Variants in ADGRF5 observed in about 807,000 individuals in gnomAD.
ADGRF5 encodes G-protein coupled receptor 116.
Under a neutral mutation model 132.3 loss-of-function variants are expected in ADGRF5, and 75 were observed. That is an observed-to-expected ratio of 0.57 (90% CI 0.47 to 0.69). The LOEUF is 0.69. Ranked by LOEUF, ADGRF5 falls within the 30% of genes least tolerant of loss-of-function variation. ADGRF5 has a pLI of 0.00. For missense variants in ADGRF5, 1,516 were observed against 1,630.6 expected, an observed-to-expected ratio of 0.93 and a Z score of 1.21; for synonymous variants, 629 against 597.6, an observed-to-expected ratio of 1.05 and a Z score of -0.77.
At chr6:46,892,155 T>TACAC (rs66857908) in intron 3 of ADGRF5, among the ~76,000 whole-genome samples, 7 of 136,210 alleles carry the variant, frequency 5.1e-5, no homozygotes, top group Non-Finnish European at 7.8e-5. Flanking sequence ...AATACACAAA[T>TACAC]ACACACACAC....
intron 1 of ADGRF5, among the ~76,000 whole-genome samples, chr6:46,949,531 C>A (rs1166903120): frequency 6.6e-6 from 1 of 152,212 alleles, no homozygotes; most frequent in Non-Finnish European, 1.5e-5. Context: ...TGACTCACAG[C>A]AGGCAGACAG....
intron 13 of ADGRF5, among the ~76,000 whole-genome samples, chr6:46,866,021 A>G (rs1444509644): frequency 6.6e-6 from 1 of 152,040 alleles, no homozygotes; most frequent in Admixed American, 6.5e-5. Flanking sequence ...GGGTTGTGAG[A>G]TCATGCTGGT....
intron 9 of ADGRF5, 93 bp downstream of exon 9, chr6:46,879,725 T>G: frequency 1.2e-6 from 1 of 865,038 alleles, no homozygotes; most frequent in Non-Finnish European, 1.9e-6. Context: ...AGAAAAACAC[T>G]ATCTACATAG....
At chr6:46,878,459 G>A in intron 9 of ADGRF5, 54 bp from the exon 10 acceptor site, 1 of 1,074,438 alleles carries the variant, frequency 9.3e-7, no homozygotes. Context: ...TATTTTCTTA[G>A]AGGAATGTAC....
intron 2 of ADGRF5, among the ~76,000 whole-genome samples, chr6:46,904,216 C>T (rs1412922891): frequency 1.3e-5 from 2 of 152,202 alleles, no homozygotes; most frequent in Non-Finnish European, 2.9e-5. Context: ...ACATCATCAC[C>T]CTTTAAAAGC....
intron 1 of ADGRF5, among the ~76,000 whole-genome samples, chr6:46,938,195 T>C (rs1161282709): frequency 6.6e-6 from 1 of 152,240 alleles, no homozygotes; most frequent in African/African-American, 2.4e-5. Context: ...CTCTGAAAAG[T>C]CTTTGCTAGA....
chr6:46,886,695 A>C (rs563704400), intron 4 of ADGRF5: 2 of 152,216 alleles, frequency 1.3e-5, no homozygotes, highest in Non-Finnish European at 2.9e-5. Context: ...AGGATGGAAA[A>C]AGGAAGATGG....
intron 1 of ADGRF5, among the ~76,000 whole-genome samples, chr6:46,944,634 A>C (rs1778229612): frequency 6.6e-6 from 1 of 152,198 alleles, no homozygotes; most frequent in African/African-American, 2.4e-5. Flanking sequence ...TTGCATCTCC[A>C]TGTAAATATA....
intron 2 of ADGRF5, among the ~76,000 whole-genome samples, chr6:46,905,902 A>G (rs1488111022): frequency 6.6e-6 from 1 of 152,212 alleles, no homozygotes; most frequent in East Asian, 1.9e-4. Flanking sequence ...TTTAATTTTC[A>G]TAACAATAAA....
intron 9 of ADGRF5, among the ~76,000 whole-genome samples, chr6:46,879,024 G>C (rs1045591831): frequency 2.0e-5 from 3 of 152,112 alleles, no homozygotes; most frequent in African/African-American, 7.2e-5. Context: ...GAGAACGATG[G>C]ATACGTTCAC....
In ADGRF5 at chr6:46,859,521, G is replaced by A. The variant is rs745536179; in HGVS notation, c.2382C>T (p.His794=). Residue 794 remains histidine (H), a splice_region_variant and synonymous_variant, in exon 17 of 21, where the codon CAC becomes CAT. Coordinates refer to ENST00000283296, the MANE Select transcript of ADGRF5 (RefSeq NM_001098518.2). The part of the protein sequence containing the change: ...PTQVNSEMMT[H]VLSTVNVILG... Reference sequence around the variant, plus strand: ...GGATGACATTAACCGTAGAGAGCACGTGCTGAAAGTGAAATGGTATGGGGT... The same window carrying A: ...GGATGACATTAACCGTAGAGAGCACATGCTGAAAGTGAAATGGTATGGGGT... The A allele has an allele frequency of 5.7e-6, 9 of 1,588,968 alleles. No homozygotes were observed. The highest frequency in any genetic ancestry group is 4.6e-5 in the South Asian group (4 of 87,674).
chr6:46,861,224 G>A (rs1769713700), intron 15 of ADGRF5, among the ~76,000 whole-genome samples: 1 of 152,188 alleles, frequency 6.6e-6, no homozygotes, highest in Non-Finnish European at 1.5e-5. Flanking sequence ...CGGTATGGAA[G>A]CACAGTTGCC....
rs1197952722 is a variant in ADGRF5, at chr6:46,937,255, T to TGA, written c.-25+17478_-25+17479insTC. 3.8e-4 allele frequency among the ~76,000 whole-genome samples: 57 copies of TGA among 150,328 alleles called. 1 individual carries two copies. The highest frequency in any genetic ancestry group is 1.3e-3 in the African/African-American group (53 of 40,502). On this transcript the variant is annotated intron_variant, in intron 1 of 20. Transcript: ENST00000265417. The stretch of plus-strand genomic sequence containing the variant: ...GTGTGTGTGTGTGTGTGTGTGTGAG[T>TGA]GTGTGTGTGTTGATGGGGTGGCATC...
At chr6:46,883,439 G>T in intron 6 of ADGRF5, 120 bp downstream of exon 6, 1 of 642,214 alleles carries the variant, frequency 1.6e-6, no homozygotes, top group South Asian at 2.0e-5. Context: ...AGATGTAAAA[G>T]AATAATAAAT....
chr6:46,867,264 T>C (rs917263802), intron 12 of ADGRF5, 127 bp from the exon 13 acceptor site: 1 of 612,288 alleles, frequency 1.6e-6, no homozygotes, highest in Non-Finnish European at 2.9e-6. Context: ...CACAACTTCC[T>C]GGACACTGGA....
chr6:46,896,644 AAT>A (rs1181097423), intron 3 of ADGRF5, among the ~76,000 whole-genome samples: 3 of 135,154 alleles, frequency 2.2e-5, no homozygotes, highest in Middle Eastern at 3.4e-3. Flanking sequence ...CCTATAAAGT[AAT>A]ATGTGTGAGA....
rs1776978767 is a variant in ADGRF5, at chr6:46,921,835, A to G, written c.-147T>C. On this transcript the variant is annotated 5_prime_UTR_variant, in exon 1 of 21. Coordinates refer to ENST00000283296, the MANE Select transcript of ADGRF5 (RefSeq NM_001098518.2). ...GGGCAGGGGCTCTCACGCCCAGTGG[A>G]GGGAGAACCAAGCAAGACTCATTTC... is the stretch of plus-strand genomic sequence containing the variant. The G allele has an allele frequency of 6.6e-6, 1 of 152,386 alleles. No homozygotes were observed. The highest frequency in any genetic ancestry group is 6.5e-5 in the Admixed American group (1 of 15,280). 9.4% of individuals were successfully genotyped at this position (152,386 alleles called of 1,614,324 possible). A position where few individuals can be genotyped will look rare whatever the true frequency, so the allele number is the denominator to read the frequency against.
intron 2 of ADGRF5, among the ~76,000 whole-genome samples, chr6:46,904,410 C>G (rs1017524812): frequency 6.6e-6 from 1 of 152,082 alleles, no homozygotes; most frequent in Non-Finnish European, 1.5e-5. Context: ...ATAGATAAAC[C>G]TTGAGGATAA....
intron 1 of ADGRF5, among the ~76,000 whole-genome samples, chr6:46,940,276 G>A (rs893163306): frequency 2.0e-5 from 3 of 152,106 alleles, no homozygotes; most frequent in Admixed American, 6.5e-5. Context: ...TTTTCACATC[G>A]ATCTTTTACT....
Sources: allele counts gnomAD v4.1 joint callset (sites outside exome capture counted in the v4.1 genomes callset), GRCh38; gene constraint gnomAD v4.1.1; transcripts MANE v1.5; gene names NCBI Gene and HGNC (gene_info 2026-07-23, HGNC 2026-07-21).